Variants in PCDHGA3 observed in about 807,000 individuals in gnomAD.
PCDHGA3 encodes the protein protocadherin gamma subfamily A, 3, also known as protocadherin gamma-A3.
PCDHGA3 carries 40 observed loss-of-function variants against 58.5 expected under a neutral mutation model. The ratio of observed to expected loss-of-function variants is 0.68; its 90% CI spans 0.53 to 0.89. The LOEUF (loss-of-function observed/expected upper bound fraction) is 0.89, where lower values mean the gene tolerates loss of function less well. Ranked by LOEUF, PCDHGA3 falls within the 40% of genes least tolerant of loss-of-function variation. The pLI is 0.00. For synonymous variants in PCDHGA3, 530 were observed against 525.7 expected (o/e 1.01, Z -0.11); for missense variants, 1,223 against 1,195.9 (o/e 1.02, Z -0.33).
intron 1 of PCDHGA3, chr5:141,409,705 G>A (rs747252229): frequency 6.2e-6 from 10 of 1,613,134 alleles, no homozygotes; most frequent in Non-Finnish European, 7.6e-6. Flanking sequence ...CCCTGGCGGT[G>A]TCGTCATACG....
In PCDHGA3 at chr5:141,432,997, G is replaced by T. The variant is rs778828769; in HGVS notation, c.2425-61810G>T. 17 of 1,614,082 alleles carry T rather than the reference G, an allele frequency of 1.1e-5. No homozygotes were observed. The highest frequency in any genetic ancestry group is 4.5e-5 in the East Asian group (2 of 44,864). ...CGCACTTTGTGGGCGTGGACGGGGT[G>T]CAGGCTTTCCTGCAGACCTATTCCC... On this transcript the variant is annotated intron_variant, in intron 1 of 3. Transcript: ENST00000253812. The surrounding 1 kb of genome is among the most constrained non-coding windows in gnomAD (Gnocchi z 6.0).
intron 1 of PCDHGA3, among the ~76,000 whole-genome samples, chr5:141,450,782 C>G (rs1012152203): frequency 6.6e-6 from 1 of 151,236 alleles, no homozygotes; most frequent in Non-Finnish European, 1.5e-5. Context: ...CCACCGTGCC[C>G]GGACCTCATG....
intron 1 of PCDHGA3, chr5:141,412,213 C>T (rs1467971455): frequency 6.6e-6 from 1 of 152,224 alleles, no homozygotes; most frequent in Non-Finnish European, 1.5e-5. Context: ...TTGACATAAA[C>T]ACTTACTTGT....
At chr5:141,480,240 CAA>C (rs11374694) in intron 1 of PCDHGA3, among the ~76,000 whole-genome samples, 8 of 114,006 alleles carry the variant, frequency 7.0e-5, no homozygotes, top group Non-Finnish European at 7.5e-5. Flanking sequence ...CCTGTCTCTA[CAA>C]AAAAAAAAAA....
intron 1 of PCDHGA3, chr5:141,423,031 A>G (rs761268652): frequency 1.2e-6 from 2 of 1,614,096 alleles, no homozygotes; most frequent in East Asian, 2.2e-5. Flanking sequence ...TTCAGGCCAG[A>G]ACGCCTGGCT....
rs755270981 is a variant in PCDHGA3, at chr5:141,408,462, AGAACC to A, written c.2424+62009_2424+62013del. On this transcript the variant is annotated intron_variant, in intron 1 of 3. Coordinates refer to ENST00000253812, the MANE Select transcript of PCDHGA3 (RefSeq NM_018916.4). Reference sequence around the variant, plus strand: ...GCGGAGAGCGGGGACTTACTTGTGAAGAACCGAATAGACCGTGAGCAAATATGCAA... The same window carrying A: ...GCGGAGAGCGGGGACTTACTTGTGAAGAATAGACCGTGAGCAAATATGCAA... 2.2e-5 allele frequency: 35 copies of A among 1,613,962 alleles called. No homozygotes were observed. The South Asian group carries it at 3.3e-4, about 15-fold the overall frequency.
Position 141,431,939 on chromosome 5 carries a change from T to A in PCDHGA3, c.2425-62868T>A, listed in dbSNP as rs1377573207. The A allele has an allele frequency of 2.2e-5, 35 of 1,613,996 alleles. No individual in the cohort carries two copies. The highest frequency in any genetic ancestry group is 2.9e-5 in the Non-Finnish European group (34 of 1,180,000). On this transcript the variant is annotated intron_variant, in intron 1 of 3. Coordinates refer to ENST00000253812, the MANE Select transcript of PCDHGA3 (RefSeq NM_018916.4). This position sits in a 1 kb window ranked among gnomAD's most constrained non-coding sequence, Gnocchi z 4.8. ...CATCCAAGGAAATCTGCCCTTTAAA[T>A]TAGAAAAATCTTACGGAAATTACTA...
chr5:141,410,505 A>T (rs2095401601), intron 1 of PCDHGA3: 1 of 1,613,848 alleles, frequency 6.2e-7, no homozygotes, highest in Non-Finnish European at 8.5e-7. Flanking sequence ...AATTTCCTAA[A>T]ATGCAGTGTG....
At chr5:141,376,674 TCG>T in intron 1 of PCDHGA3, 1 of 648,166 alleles carries the variant, frequency 1.5e-6, no homozygotes, top group South Asian at 2.1e-5. Context: ...GGTGAGGGTA[TCG>T]TTTTTTTTTT....
rs1219045744 is a variant in PCDHGA3 at position 141,476,783 on chromosome 5, G to T, written c.2425-18024G>T. The stretch of plus-strand genomic sequence containing the variant: ...GACGGCGTTGGACGGAGGGACCCCA[G>T]CTCTCTCCGCCAGCCTGCCTATTCA... On this transcript the variant is annotated intron_variant, in intron 1 of 3. Transcript: ENST00000253812. The surrounding 1 kb of genome is among the most constrained non-coding windows in gnomAD (Gnocchi z 7.6). 5 of 1,613,392 alleles carry T rather than the reference G, an allele frequency of 3.1e-6. No homozygotes were observed. The highest frequency in any genetic ancestry group is 2.7e-5 in the African/African-American group (2 of 74,930).
chr5:141,370,306 C>T (rs1766802284), intron 1 of PCDHGA3: 1 of 1,215,888 alleles, frequency 8.2e-7, no homozygotes, highest in Non-Finnish European at 1.1e-6. Context: ...AAAGACAAAG[C>T]AAATAGTTGG....
intron 1 of PCDHGA3, chr5:141,422,463 C>G (rs1461108652): frequency 6.2e-7 from 1 of 1,613,472 alleles, no homozygotes; most frequent in Non-Finnish European, 8.5e-7. Flanking sequence ...GAGTGCTGGA[C>G]AGGGAGTTGG....
In PCDHGA3 at chr5:141,499,962, A is replaced by G. The variant is rs147527188; in HGVS notation, c.2483+5097A>G. Among the ~76,000 whole-genome samples the G allele has an allele frequency of 3.7e-3, 563 of 152,178 alleles. 5 individuals are homozygous for G. Among genetic ancestry groups the G allele is most frequent in the Admixed American group, 0.011 (164 of 15,288 alleles). On this transcript the variant is annotated intron_variant, in intron 2 of 3. Coordinates refer to ENST00000253812, the MANE Select transcript of PCDHGA3 (RefSeq NM_018916.4). ...CTCGGCCTCCCAAAATGTTGGGATT[A>G]CAGGTGTGAGCCACCTTGCCCGGCC...
At chr5:141,354,016 T>C (rs148362038) in intron 1 of PCDHGA3, among the ~76,000 whole-genome samples, 45 of 152,350 alleles carry the variant, frequency 3.0e-4, no homozygotes, top group African/African-American at 1.1e-3. Context: ...TTACTGTAAG[T>C]ATTCATAAGA....
At chr5:141,505,238 G>A (rs1254100882) in intron 2 of PCDHGA3, 155 bp from the exon 3 acceptor site, 2 of 890,422 alleles carry the variant, frequency 2.2e-6, no homozygotes, top group South Asian at 5.2e-5. Context: ...GGCTTCTGAA[G>A]GATTGTAGAA....
At chr5:141,355,494 A>G in intron 1 of PCDHGA3, 1 of 1,614,040 alleles carries the variant, frequency 6.2e-7, no homozygotes. Context: ...TCTGCGACAG[A>G]TCTCCAAACT....
rs1369501221 is a variant in PCDHGA3 at position 141,493,257 on chromosome 5, A to G, written c.2425-1550A>G. On this transcript the variant is annotated intron_variant, in intron 1 of 3. Coordinates refer to ENST00000253812, the MANE Select transcript of PCDHGA3 (RefSeq NM_018916.4). The surrounding 1 kb of genome is among the most constrained non-coding windows in gnomAD (Gnocchi z 4.3). ...GGCTAGGTACTAACATGCCTCTCTT[A>G]TAACAGCTTCACAGAGGTCAAGTGA... Among the ~76,000 whole-genome samples the G allele has an allele frequency of 6.6e-6, 1 of 152,190 alleles. No individual in the cohort carries two copies. Among genetic ancestry groups the G allele is most frequent in the South Asian group, 2.1e-4 (1 of 4,830 alleles).
chr5:141,362,934 A>G (rs373644254), intron 1 of PCDHGA3, among the ~76,000 whole-genome samples: 1 of 152,196 alleles, frequency 6.6e-6, no homozygotes, highest in Non-Finnish European at 1.5e-5. Context: ...GAGAGTCTTC[A>G]TTTTAGTAGG....
Position 141,432,035 on chromosome 5 carries a change from G to T in PCDHGA3, c.2425-62772G>T. 1 of 1,614,218 alleles carries T rather than the reference G, an allele frequency of 6.2e-7. No homozygotes were observed. The highest frequency in any genetic ancestry group is 1.1e-5 in the South Asian group (1 of 91,066). On this transcript the variant is annotated intron_variant, in intron 1 of 3. Transcript: ENST00000253812. The surrounding 1 kb of genome is among the most constrained non-coding windows in gnomAD (Gnocchi z 6.0). ...CTACAACATCACAGTGACCGCCACT[G>T]ACCGGGGAACCCCGCCCCTATCCAC... is the stretch of plus-strand genomic sequence containing the variant.
Sources: gnomAD v4.1 joint callset for allele counts (sites outside exome capture counted in the v4.1 genomes callset) on GRCh38, gnomAD v4.1.1 for gene constraint, Gnocchi (gnomAD v3.1) non-coding constraint, MANE v1.5 for transcripts, NCBI Gene and HGNC (gene_info 2026-07-23, HGNC 2026-07-21) for gene names.